Variants in PPM1L observed in about 807,000 individuals in gnomAD.
PPM1L encodes the protein protein phosphatase, Mg2+/Mn2+ dependent 1L.
A neutral mutation model predicts 31.4 loss-of-function variants in PPM1L; 13 were observed. The observed-to-expected ratio is 0.41, with a 90% CI of 0.27 to 0.66. PPM1L has a LOEUF of 0.66. Among genes scored for constraint, PPM1L ranks in the 30% least tolerant of loss-of-function variants. The pLI is 0.29. For missense variants in PPM1L, 326 were observed against 453.7 expected, an observed-to-expected ratio of 0.72 and a Z score of 2.56; for synonymous variants, 184 against 175.4, an observed-to-expected ratio of 1.05 and a Z score of -0.39.
intron 1 of PPM1L, among the ~76,000 whole-genome samples, chr3:160,956,354 C>G (rs757773960): frequency 3.3e-5 from 5 of 152,212 alleles, no homozygotes; most frequent in Non-Finnish European, 7.3e-5. Context: ...ATCATCTTTT[C>G]AGGTCTAACT....
At chr3:160,768,458 TATG>T (rs1715166990) in intron 1 of PPM1L, among the ~76,000 whole-genome samples, 1 of 152,178 alleles carries the variant, frequency 6.6e-6, no homozygotes, top group Non-Finnish European at 1.5e-5. Flanking sequence ...CTGGTAAAAC[TATG>T]ATATTAATAA....
intron 1 of PPM1L, among the ~76,000 whole-genome samples, chr3:160,801,463 C>G (rs193238017): frequency 6.6e-6 from 1 of 152,286 alleles, no homozygotes; most frequent in Non-Finnish European, 1.5e-5. Context: ...CAGTCCATGG[C>G]CAGTCACAGG....
intron 1 of PPM1L, among the ~76,000 whole-genome samples, chr3:160,775,750 C>G (rs1279223401): frequency 6.6e-6 from 1 of 152,166 alleles, no homozygotes; most frequent in Non-Finnish European, 1.5e-5. Context: ...ATTAGACGTG[C>G]CTGAGTTTTC....
chr3:160,808,831 A>G (rs1238764379), intron 1 of PPM1L, among the ~76,000 whole-genome samples: 2 of 152,130 alleles, frequency 1.3e-5, no homozygotes, highest in African/African-American at 2.4e-5. Flanking sequence ...CCCTCCTCCC[A>G]TCTTTGTAGA....
intron 1 of PPM1L, among the ~76,000 whole-genome samples, chr3:160,835,475 T>C (rs1713687816): frequency 6.6e-6 from 1 of 152,168 alleles, no homozygotes; most frequent in East Asian, 1.9e-4. Flanking sequence ...CTCACCCCAA[T>C]ATTTCATGTA....
chr3:160,810,957 C>T (rs1388214775), intron 1 of PPM1L, among the ~76,000 whole-genome samples: 1 of 152,102 alleles, frequency 6.6e-6, no homozygotes. Flanking sequence ...ATAATAGAGC[C>T]CCAGAGGCCT....
At chr3:160,999,456 G>A (rs1717416587) in intron 2 of PPM1L, among the ~76,000 whole-genome samples, 1 of 152,174 alleles carries the variant, frequency 6.6e-6, no homozygotes, top group African/African-American at 2.4e-5. Context: ...GGCCGCCAGA[G>A]GGAAATAAGA....
At chr3:160,906,887 C>T (rs1713782895) in intron 1 of PPM1L, among the ~76,000 whole-genome samples, 1 of 152,214 alleles carries the variant, frequency 6.6e-6, no homozygotes, top group African/African-American at 2.4e-5. Flanking sequence ...GAGCAGCTTA[C>T]AACATGGCAG....
At chr3:161,032,700 T>G (rs1448232714) in intron 2 of PPM1L, among the ~76,000 whole-genome samples, 2 of 151,224 alleles carry the variant, frequency 1.3e-5, no homozygotes, top group Non-Finnish European at 2.9e-5. Flanking sequence ...TCCTTTTTTT[T>G]TTTTTTTGAG....
At chr3:160,864,564 A>G (rs953272365) in intron 1 of PPM1L, among the ~76,000 whole-genome samples, 4 of 152,172 alleles carry the variant, frequency 2.6e-5, no homozygotes, top group African/African-American at 9.7e-5. Flanking sequence ...TTCCAGAGTA[A>G]TTTATTTGTC....
At chr3:160,776,479 T>G (rs1711560339) in intron 1 of PPM1L, among the ~76,000 whole-genome samples, 1 of 152,192 alleles carries the variant, frequency 6.6e-6, no homozygotes, top group Non-Finnish European at 1.5e-5. Flanking sequence ...ATTTTTGCCT[T>G]CCTTAAATTG....
intron 1 of PPM1L, among the ~76,000 whole-genome samples, chr3:160,932,946 A>G (rs1714835253): frequency 6.6e-6 from 1 of 152,190 alleles, no homozygotes. Context: ...GCCAGGTGTT[A>G]TGGTAGGCTT....
chr3:160,908,971 G>A (rs1713859646), intron 1 of PPM1L, among the ~76,000 whole-genome samples: 1 of 152,182 alleles, frequency 6.6e-6, no homozygotes. Flanking sequence ...ATTCAAGACC[G>A]AACCTTGGTG....
intron 2 of PPM1L, among the ~76,000 whole-genome samples, chr3:161,056,559 C>G (rs1051790142): frequency 5.3e-5 from 8 of 151,936 alleles, no homozygotes; most frequent in Admixed American, 5.2e-4. Context: ...ATCCTATCAC[C>G]AAGATAGCCC....
chr3:160,764,262 G>A, intron 1 of PPM1L, among the ~76,000 whole-genome samples: 2 of 152,216 alleles, frequency 1.3e-5, no homozygotes, highest in East Asian at 3.9e-4. Flanking sequence ...CTCATGAATA[G>A]CTGGGACTAT....
In PPM1L at chr3:160,983,617, C is replaced by T. The variant is rs1437003355; in HGVS notation, c.574+21707C>T. 2.6e-5 allele frequency among the ~76,000 whole-genome samples: 4 copies of T among 152,206 alleles called. No homozygotes were observed. The East Asian group carries it at 7.7e-4, about 29-fold the overall frequency. On this transcript the variant is annotated intron_variant, in intron 2 of 3. Coordinates refer to ENST00000498165, the MANE Select transcript of PPM1L (RefSeq NM_139245.4). ...TGACATTCTCAGCATTTTCCTATAT[C>T]TACAAGCATTTGGGATTACTCTGTT...
chr3:161,017,220 C>T (rs780108542), intron 2 of PPM1L, among the ~76,000 whole-genome samples: 3 of 151,862 alleles, frequency 2.0e-5, no homozygotes, highest in Non-Finnish European at 4.4e-5. Context: ...TGATCTCAAA[C>T]TAAAGAACAT....
chr3:160,987,608 T>G (rs929996372), intron 2 of PPM1L, among the ~76,000 whole-genome samples: 1 of 152,204 alleles, frequency 6.6e-6, no homozygotes, highest in Non-Finnish European at 1.5e-5. Flanking sequence ...CCAAGTATCT[T>G]CTTCAAATTT....
At chr3:160,895,091 C>G (rs920514472) in intron 1 of PPM1L, among the ~76,000 whole-genome samples, 50 of 152,186 alleles carry the variant, frequency 3.3e-4, no homozygotes, top group Non-Finnish European at 5.4e-4. Context: ...AGGGACATTA[C>G]TGTAGTATAG....
Sources: allele counts gnomAD v4.1 joint callset (sites outside exome capture counted in the v4.1 genomes callset), GRCh38; gene constraint gnomAD v4.1.1; transcripts MANE v1.5; gene names NCBI Gene and HGNC (gene_info 2026-07-23, HGNC 2026-07-21).